Variants in OTOGL observed in about 807,000 individuals in gnomAD.
OTOGL encodes the protein otogelin like, also known as otogelin-like protein.
A neutral mutation model predicts 318.5 loss-of-function variants in OTOGL; 285 were observed. The observed-to-expected ratio is 0.89, with a 90% CI of 0.81 to 0.99. OTOGL has a LOEUF of 0.99. Ranked by LOEUF, OTOGL falls within the 50% of genes least tolerant of loss-of-function variation. The probability of loss-of-function intolerance (pLI) is 0.00; values close to 1 mark genes in which losing one functional copy is unlikely to be tolerated. For synonymous variants in OTOGL, 987 were observed against 936.5 expected (o/e 1.05, Z -0.99); for missense variants, 2,899 against 2,845.6 (o/e 1.02, Z -0.43).
intron 1 of OTOGL, among the ~76,000 whole-genome samples, chr12:80,108,325 A>G (rs1869579723): frequency 1.3e-5 from 2 of 152,034 alleles, no homozygotes; most frequent in African/African-American, 4.8e-5. Context: ...TATAATTATA[A>G]CAATTATAAT....
intron 17 of OTOGL, 146 bp from the exon 18 acceptor site, chr12:80,257,679 T>G: frequency 1.4e-6 from 1 of 731,738 alleles, no homozygotes; most frequent in East Asian, 3.0e-5. Flanking sequence ...GGCAAAAATT[T>G]GGCCCTGAAG....
intron 1 of OTOGL, among the ~76,000 whole-genome samples, chr12:80,118,429 A>G (rs1405780865): frequency 6.6e-6 from 1 of 152,160 alleles, no homozygotes; most frequent in East Asian, 1.9e-4. Flanking sequence ...AAGGAGTGTA[A>G]CGTTTTCTTC....
At chr12:80,116,422 G>T (rs892460572) in intron 1 of OTOGL, among the ~76,000 whole-genome samples, 3 of 152,028 alleles carry the variant, frequency 2.0e-5, no homozygotes, top group Non-Finnish European at 4.4e-5. Context: ...GGGTACCTCA[G>T]TTGGAAATGC....
chr12:80,319,395 A>G (rs1043296199), intron 33 of OTOGL, among the ~76,000 whole-genome samples: 3 of 152,206 alleles, frequency 2.0e-5, no homozygotes. Context: ...TATTTGTTGG[A>G]TGAATCAATC....
chr12:80,156,661 G>A (rs1471959840), intron 1 of OTOGL, among the ~76,000 whole-genome samples: 1 of 152,070 alleles, frequency 6.6e-6, no homozygotes, highest in African/African-American at 2.4e-5. Context: ...GAGTTCCCCA[G>A]CACAAATTCC....
intron 1 of OTOGL, among the ~76,000 whole-genome samples, chr12:80,122,274 T>C (rs769608397): frequency 6.6e-6 from 1 of 152,156 alleles, no homozygotes; most frequent in African/African-American, 2.4e-5. Flanking sequence ...ATAAATACAC[T>C]GTCACATCAA....
chr12:80,150,434 G>T (rs904211812), intron 1 of OTOGL, among the ~76,000 whole-genome samples: 1 of 152,220 alleles, frequency 6.6e-6, no homozygotes, highest in African/African-American at 2.4e-5. Flanking sequence ...AGTTACCCCA[G>T]TAGTCTGGGA....
At chr12:80,333,531 C>G (rs1030141525) in intron 38 of OTOGL, among the ~76,000 whole-genome samples, 5 of 151,900 alleles carry the variant, frequency 3.3e-5, no homozygotes, top group Admixed American at 1.3e-4. Flanking sequence ...CTCTGATAAA[C>G]TATTTATTCA....
rs546301061 is a variant in OTOGL, at chr12:80,333,090, C to T, written c.4422+12C>T. On this transcript the variant is annotated intron_variant, in intron 38 of 58. Transcript: ENST00000547103. ...GCTTGGAATGTGAGGTATGACTGAGCAATATCTTCCAGCTCTTTGTCATTT... is the reference window on the plus strand; with the variant it reads ...GCTTGGAATGTGAGGTATGACTGAGTAATATCTTCCAGCTCTTTGTCATTT... 16 of 1,566,078 alleles carry T rather than the reference C, an allele frequency of 1.0e-5. No individual in the cohort carries two copies. In the African/African-American group the frequency reaches 2.0e-4, roughly 20 times the overall value.
chr12:80,348,460 G>C (rs1889341405), intron 44 of OTOGL, among the ~76,000 whole-genome samples: 1 of 152,126 alleles, frequency 6.6e-6, no homozygotes, highest in Admixed American at 6.6e-5. Context: ...TGAGTCCTCT[G>C]TTCTGTTCCA....
chr12:80,358,755 G>A lies in OTOGL; in HGVS notation c.6206G>A (p.Cys2069Tyr). 3 of 1,610,172 alleles carry A rather than the reference G, an allele frequency of 1.9e-6. No homozygotes were observed. Among genetic ancestry groups the A allele is most frequent in the East Asian group, 2.2e-5 (1 of 44,806 alleles). The stretch of plus-strand genomic sequence containing the variant: ...GTGAAAGAAAATGTATCTGGTCAAT[G>A]TTGCCCAACATGGCACTGTGGTAAC... ...NLVKENVSGQ[C>Y]CPTWHCECNC... is the part of the protein sequence containing the mutation. Residue 2069 changes from cysteine (C) to tyrosine (Y), a missense_variant, in exon 51 of 59, where the codon TGT becomes TAT. Coordinates refer to ENST00000547103, the MANE Select transcript of OTOGL (RefSeq NM_001378609.3).
At chr12:80,146,801 C>T (rs923356778) in intron 1 of OTOGL, among the ~76,000 whole-genome samples, 21 of 150,848 alleles carry the variant, frequency 1.4e-4, no homozygotes, top group African/African-American at 1.9e-4. Flanking sequence ...GTGTATGTGT[C>T]GAGGAATTTA....
intron 1 of OTOGL, among the ~76,000 whole-genome samples, chr12:80,116,232 G>T (rs2043384683): frequency 2.0e-5 from 3 of 152,282 alleles, no homozygotes; most frequent in African/African-American, 4.8e-5. Flanking sequence ...TGTGGGAGAG[G>T]TGTAGTATCT....
intron 16 of OTOGL, 43 bp from the exon 17 acceptor site, chr12:80,256,294 T>A: frequency 6.4e-7 from 1 of 1,571,640 alleles, no homozygotes; most frequent in Non-Finnish European, 8.6e-7. Flanking sequence ...TATGGCTCTC[T>A]CTCTCTCCCA....
At chr12:80,345,227 T>TAA (rs1555301374) in intron 44 of OTOGL, among the ~76,000 whole-genome samples, 17 of 137,888 alleles carry the variant, frequency 1.2e-4, no homozygotes, top group Non-Finnish European at 3.1e-5. Flanking sequence ...TATATATATA[T>TAA]TATATATATA....
chr12:80,217,551 A>G (rs777239768), intron 4 of OTOGL, 47 bp from the exon 5 acceptor site: 9 of 1,297,266 alleles, frequency 6.9e-6, no homozygotes, highest in Non-Finnish European at 8.5e-6. Flanking sequence ...GTTTGGCTTG[A>G]ATTAAATAAT....
chr12:80,367,139 GCT>G (rs1890590217), intron 53 of OTOGL, among the ~76,000 whole-genome samples: 1 of 41,930 alleles, frequency 2.4e-5, no homozygotes, highest in Non-Finnish European at 4.6e-5. Flanking sequence ...ACCATACCCA[GCT>G]TTTTTTTTTT....
At position 80,172,606 on chromosome 12, in the gene OTOGL, G is replaced by GT. The variant is rs59280536; in HGVS notation, c.-19-36797dup. On this transcript the variant is annotated intron_variant, in intron 1 of 58. Transcript: ENST00000547103. The stretch of plus-strand genomic sequence containing the variant: ...CTTTTTCTATCTGATTTTTTTCTAT[G>GT]TTTTTTTTTTCCTATCTTATGTTTT... Among the ~76,000 whole-genome samples the GT allele has an allele frequency of 1.6e-3, 240 of 149,112 alleles. 2 individuals are homozygous for GT. In the East Asian group the frequency reaches 0.028, roughly 17 times the overall value.
At chr12:80,242,083 A>T (rs965761311) in intron 11 of OTOGL, among the ~76,000 whole-genome samples, 1 of 152,190 alleles carries the variant, frequency 6.6e-6, no homozygotes, top group East Asian at 1.9e-4. Flanking sequence ...TTTGGCTGGC[A>T]GCCATCTACC....
Sources: gnomAD v4.1 joint callset for allele counts (sites outside exome capture counted in the v4.1 genomes callset) on GRCh38, gnomAD v4.1.1 for gene constraint, MANE v1.5 for transcripts, NCBI Gene and HGNC (gene_info 2026-07-23, HGNC 2026-07-21) for gene names.